Variants in USH2A observed in about 807,000 individuals in gnomAD.
USH2A encodes the protein usherin.
In USH2A, 443 loss-of-function variants were observed where a neutral mutation model predicts 538.9. The observed-to-expected ratio is 0.82, with a 90% CI of 0.76 to 0.89. USH2A has a LOEUF of 0.89. Ranked by LOEUF, USH2A falls within the 40% of genes least tolerant of loss-of-function variation. The pLI is 0.00. For synonymous variants in USH2A, 2,413 were observed against 2,273.5 expected (o/e 1.06, Z -1.75); for missense variants, 6,633 against 6,324.8 (o/e 1.05, Z -1.65).
At chr1:215,713,297 G>A (rs200354940) in intron 61 of USH2A, among the ~76,000 whole-genome samples, 10 of 152,096 alleles carry the variant, frequency 6.6e-5, no homozygotes, top group African/African-American at 1.9e-4. Flanking sequence ...GCCTCTCTGC[G>A]GGAGGCACTA....
chr1:216,081,545 C>T (rs1481927132), intron 26 of USH2A, among the ~76,000 whole-genome samples: 2 of 152,022 alleles, frequency 1.3e-5, no homozygotes. Context: ...TAAAAGAAAG[C>T]CAAGCACATA....
At chr1:215,890,713 T>C (rs1189346964) in intron 40 of USH2A, among the ~76,000 whole-genome samples, 3 of 152,196 alleles carry the variant, frequency 2.0e-5, no homozygotes, top group Non-Finnish European at 4.4e-5. Context: ...AATTATTATA[T>C]CAAAATGGGG....
At chr1:216,013,604 G>A (rs1668630888) in intron 32 of USH2A, among the ~76,000 whole-genome samples, 1 of 152,012 alleles carries the variant, frequency 6.6e-6, no homozygotes, top group Non-Finnish European at 1.5e-5. Context: ...TGATGACATT[G>A]TCTTGTGAAA....
At position 216,252,909 on chromosome 1, in the gene USH2A, ACTT is replaced by A. The variant is rs1213625544; in HGVS notation, c.1972-1814_1972-1812del. ...AGGCGTGTGGGTACATACTTGTAACACTTCAAGTACATCAACCCATAACTCAGG... is the reference window on the plus strand; with the variant it reads ...AGGCGTGTGGGTACATACTTGTAACACAAGTACATCAACCCATAACTCAGG... On this transcript the variant is annotated intron_variant, in intron 11 of 71. Transcript: ENST00000307340. Among the ~76,000 whole-genome samples the A allele has an allele frequency of 2.0e-5, 3 of 152,180 alleles. No individual in the cohort carries two copies. In the East Asian group the frequency reaches 5.8e-4, roughly 29 times the overall value.
chr1:216,034,725 A>G (rs1315479277), intron 32 of USH2A, among the ~76,000 whole-genome samples: 1 of 152,110 alleles, frequency 6.6e-6, no homozygotes, highest in Non-Finnish European at 1.5e-5. Context: ...TCAGAATACC[A>G]CTGACTGCCA....
chr1:215,623,074 G>A lies in USH2A; in HGVS notation c.*2707C>T, dbSNP rs933351435. The A allele has an allele frequency of 6.6e-6, 1 of 151,992 alleles. No individual in the cohort carries two copies. Among genetic ancestry groups the A allele is most frequent in the Non-Finnish European group, 1.5e-5 (1 of 67,978 alleles). 9.4% of individuals were successfully genotyped at this position (151,992 alleles called of 1,614,324 possible). A position where few individuals can be genotyped will look rare whatever the true frequency, so the allele number is the denominator to read the frequency against. ...GGATGCCAGCATGATTTTTACATCA[G>A]TATATGGTACCATAACATTAATATT... is the stretch of plus-strand genomic sequence containing the variant. On this transcript the variant is annotated 3_prime_UTR_variant, in exon 72 of 72. Transcript: ENST00000307340.
intron 61 of USH2A, among the ~76,000 whole-genome samples, chr1:215,704,064 G>GGA (rs1375654668): frequency 6.6e-6 from 1 of 152,218 alleles, no homozygotes; most frequent in Admixed American, 6.5e-5. Flanking sequence ...TTTGGCTAGG[G>GGA]GAGGGAGTTC....
chr1:215,774,066 C>G (rs4308955), intron 55 of USH2A, among the ~76,000 whole-genome samples: 24 of 152,068 alleles, frequency 1.6e-4, no homozygotes, highest in Admixed American at 5.9e-4. Context: ...TTCCTCCCCC[C>G]CATTGAGCAG....
chr1:216,026,144 G>A (rs1668959752), intron 32 of USH2A, among the ~76,000 whole-genome samples: 1 of 152,116 alleles, frequency 6.6e-6, no homozygotes, highest in Admixed American at 6.6e-5. Flanking sequence ...TAAACATGGG[G>A]ATGGAATTTT....
At chr1:215,797,510 GGCTAAAGCA>G (rs1662180544) in intron 50 of USH2A, among the ~76,000 whole-genome samples, 1 of 152,058 alleles carries the variant, frequency 6.6e-6, no homozygotes. Context: ...CCTGCTGGGG[GGCTAAAGCA>G]GCTGGTGACT....
intron 35 of USH2A, among the ~76,000 whole-genome samples, chr1:215,971,401 C>A (rs1667491057): frequency 6.6e-6 from 1 of 152,052 alleles, no homozygotes; most frequent in Non-Finnish European, 1.5e-5. Flanking sequence ...GCAACCCAAT[C>A]AAGATAGAAC....
intron 32 of USH2A, among the ~76,000 whole-genome samples, chr1:216,036,356 A>G (rs942887880): frequency 6.6e-6 from 1 of 152,090 alleles, no homozygotes; most frequent in Non-Finnish European, 1.5e-5. Context: ...AAAAAGCAAT[A>G]CCAGACTCCC....
intron 55 of USH2A, among the ~76,000 whole-genome samples, chr1:215,774,240 G>A (rs150421170): frequency 6.4e-4 from 98 of 152,098 alleles, no homozygotes; most frequent in Middle Eastern, 3.4e-3. Flanking sequence ...GCTAACTTGC[G>A]TTATTAATTC....
At chr1:215,839,467 T>C (rs1217156358) in intron 46 of USH2A, among the ~76,000 whole-genome samples, 1 of 152,204 alleles carries the variant, frequency 6.6e-6, no homozygotes, top group Non-Finnish European at 1.5e-5. Flanking sequence ...ATATCTGAGT[T>C]GTTCTCCACT....
intron 4 of USH2A, among the ~76,000 whole-genome samples, chr1:216,341,329 C>T (rs1207342205): frequency 6.6e-6 from 1 of 152,008 alleles, no homozygotes; most frequent in East Asian, 1.9e-4. Flanking sequence ...CAAACCACTG[C>T]TCAAGGAAAT....
At chr1:216,373,154 C>T (rs553031921) in intron 3 of USH2A, among the ~76,000 whole-genome samples, 3 of 152,214 alleles carry the variant, frequency 2.0e-5, no homozygotes, top group African/African-American at 2.4e-5. Flanking sequence ...AAGTGTGATG[C>T]TACATATACT....
chr1:215,771,783 G>A (rs1021543047), intron 55 of USH2A, among the ~76,000 whole-genome samples: 1 of 151,906 alleles, frequency 6.6e-6, no homozygotes, highest in Non-Finnish European at 1.5e-5. Flanking sequence ...CTACAAGGAA[G>A]TTTTCTGGCT....
chr1:216,097,786 T>C (rs2032476182), intron 21 of USH2A, among the ~76,000 whole-genome samples: 1 of 152,194 alleles, frequency 6.6e-6, no homozygotes, highest in Admixed American at 6.5e-5. Flanking sequence ...TCATAGGATA[T>C]ACAATGCTCT....
chr1:216,296,064 G>A (rs1462213292), intron 9 of USH2A, among the ~76,000 whole-genome samples: 2 of 151,880 alleles, frequency 1.3e-5, no homozygotes, highest in African/African-American at 4.8e-5. Flanking sequence ...GTGTGTTGCT[G>A]TTTAATGGTA....
Sources: gnomAD v4.1 joint callset for allele counts (sites outside exome capture counted in the v4.1 genomes callset) on GRCh38, gnomAD v4.1.1 for gene constraint, MANE v1.5 for transcripts, NCBI Gene and HGNC (gene_info 2026-07-23, HGNC 2026-07-21) for gene names.